Variants in FAIM2 observed in about 807,000 individuals in gnomAD.
The protein encoded by FAIM2 is Fas apoptotic inhibitory molecule 2.
Under a neutral mutation model 47.4 loss-of-function variants are expected in FAIM2, and 27 were observed. The observed-to-expected ratio is 0.57, with a 90% CI of 0.42 to 0.78. The LOEUF (loss-of-function observed/expected upper bound fraction) is 0.78, where lower values mean the gene tolerates loss of function less well. Ranked by LOEUF, FAIM2 falls within the 30% of genes least tolerant of loss-of-function variation. FAIM2 has a pLI of 0.00. For missense variants in FAIM2, 311 were observed against 389.4 expected, an observed-to-expected ratio of 0.80 and a Z score of 1.69; for synonymous variants, 156 against 159.3, an observed-to-expected ratio of 0.98 and a Z score of 0.16.
chr12:49,887,426 T>C lies in FAIM2; in HGVS notation c.761A>G (p.His254Arg). 6.2e-7 allele frequency: 1 copy of C among 1,611,602 alleles called. No homozygotes were observed. ...CGCTCCCAGTGCTGCATAAACTGCATGGAGCCAGGGCACCTGCGGCAGAGG... is the reference window on the plus strand; with the variant it reads ...CGCTCCCAGTGCTGCATAAACTGCACGGAGCCAGGGCACCTGCGGCAGAGG... ...LLPFQYVPWL[H>R]AVYAALGAGV... The change falls in exon 11 of 12, where the codon CAT (histidine) becomes CGT (arginine). Residue 254 changes from histidine to arginine, a missense_variant. Transcript: ENST00000320634.
At chr12:49,895,868 A>G (rs557491298) in intron 5 of FAIM2, among the ~76,000 whole-genome samples, 1 of 152,366 alleles carries the variant, frequency 6.6e-6, no homozygotes, top group African/African-American at 2.4e-5. Flanking sequence ...CCAGGCAGTC[A>G]GAACCTTGAC....
In FAIM2 at chr12:49,901,129, C is replaced by G; in HGVS notation, c.211+1G>C. The G allele has an allele frequency of 6.3e-7, 1 of 1,579,764 alleles. No individual in the cohort carries two copies. The highest frequency in any genetic ancestry group is 8.6e-7 in the Non-Finnish European group (1 of 1,167,898). On this transcript the variant is annotated splice_donor_variant, in intron 2 of 11. Coordinates refer to ENST00000320634, the MANE Select transcript of FAIM2 (RefSeq NM_012306.4). LOFTEE classifies it high-confidence loss of function. ...CAGGTTCCAGGAGCTGAAAGACTTA[C>G]TGGGGTCCACATAGGCCCAGCTAGG... is the stretch of plus-strand genomic sequence containing the variant.
At chr12:49,871,669 CTTT>C (rs3049277) in intron 11 of FAIM2, among the ~76,000 whole-genome samples, 5 of 141,508 alleles carry the variant, frequency 3.5e-5, no homozygotes, top group Non-Finnish European at 4.6e-5. Context: ...CTTTTCTTTT[CTTT>C]TTTTTTTTTT....
rs1441374320 is a variant in FAIM2 at position 49,867,355 on chromosome 12, T to A, written c.*3149A>T. 4 of 152,322 alleles carry A rather than the reference T, an allele frequency of 2.6e-5. No homozygotes were observed. Among genetic ancestry groups the A allele is most frequent in the African/African-American group, 9.6e-5 (4 of 41,458 alleles). The allele number at this position is 152,322 out of a possible 1,614,324, so 9.4% of individuals were successfully genotyped here. ...CGCCCAGGAGAGCAGCCAGGACACC[T>A]GGGACTTGGCTTCAGGTGGGCCAGG... is the stretch of plus-strand genomic sequence containing the variant. On this transcript the variant is annotated 3_prime_UTR_variant, in exon 12 of 12. Transcript: ENST00000320634.
At chr12:49,889,996 C>T (rs779553802) in intron 8 of FAIM2, 121 bp downstream of exon 8, 20 of 979,778 alleles carry the variant, frequency 2.0e-5, no homozygotes, top group Non-Finnish European at 3.0e-5. Context: ...TCCTGCATGC[C>T]TGAGCCCCCG....
intron 5 of FAIM2, among the ~76,000 whole-genome samples, chr12:49,896,439 T>C (rs972498207): frequency 3.3e-5 from 5 of 152,170 alleles, no homozygotes; most frequent in African/African-American, 1.2e-4. Context: ...GCACAAGCCT[T>C]AACCTGAATT....
chr12:49,901,158 G>C lies in FAIM2; in HGVS notation c.183C>G (p.Leu61=), dbSNP rs1268973172. The C allele has an allele frequency of 3.1e-6, 5 of 1,605,646 alleles. No homozygotes were observed. The Admixed American group carries it at 8.5e-5, about 27-fold the overall frequency. ...AFPPAPTAVP[L]HPSWAYVDPS... is the part of the protein sequence containing the mutation. ...GGTCCACATAGGCCCAGCTAGGGTGGAGAGGCACCGCTGTGGGGGCTGGGG... is the reference window on the plus strand; with the variant it reads ...GGTCCACATAGGCCCAGCTAGGGTGCAGAGGCACCGCTGTGGGGGCTGGGG... The change falls in exon 2 of 12, where the codon CTC becomes CTG. Residue 61 remains leucine (L), a synonymous_variant. Coordinates refer to ENST00000320634, the MANE Select transcript of FAIM2 (RefSeq NM_012306.4).
intron 5 of FAIM2, 24 bp downstream of exon 5, chr12:49,897,007 G>T: frequency 6.3e-7 from 1 of 1,597,652 alleles, no homozygotes; most frequent in Non-Finnish European, 8.6e-7. Context: ...TCTGGAAGGG[G>T]ACTGGGGACT....
chr12:49,869,332 G>A lies in FAIM2; in HGVS notation c.*1172C>T, dbSNP rs1946685622. On this transcript the variant is annotated 3_prime_UTR_variant, in exon 12 of 12. Coordinates refer to ENST00000320634, the MANE Select transcript of FAIM2 (RefSeq NM_012306.4). ...TGGATGGCTTCCAAATTGGAGAGAT[G>A]CAGAGATAAGTGGGGGAGCACTTAG... is the stretch of plus-strand genomic sequence containing the variant. 6.5e-6 allele frequency: 1 copy of A among 153,308 alleles called. No homozygotes were observed. The highest frequency in any genetic ancestry group is 6.5e-5 in the Admixed American group (1 of 15,290). 9.5% of individuals were successfully genotyped at this position (153,308 alleles called of 1,614,324 possible).
Position 49,869,702 on chromosome 12 carries a change from A to G in FAIM2, c.*802T>C, listed in dbSNP as rs1946688314. ...AGAGGATGTGGGTCTCGGTCCTGCA[A>G]CCCCAAATGCCTCCCAGGTGGACGC... On this transcript the variant is annotated 3_prime_UTR_variant, in exon 12 of 12. Transcript: ENST00000320634. 6.6e-6 allele frequency: 1 copy of G among 151,338 alleles called. No homozygotes were observed. The highest frequency in any genetic ancestry group is 2.4e-5 in the African/African-American group (1 of 41,102). 9.4% of individuals were successfully genotyped at this position (151,338 alleles called of 1,614,324 possible).
chr12:49,893,816 T>G (rs1184234159), intron 5 of FAIM2, among the ~76,000 whole-genome samples: 1 of 152,170 alleles, frequency 6.6e-6, no homozygotes, highest in African/African-American at 2.4e-5. Context: ...TAGGAAACAC[T>G]CGGAACCTGC....
At position 49,897,028 on chromosome 12, in the gene FAIM2, C is replaced by T. The variant is rs778806397; in HGVS notation, c.434+3G>A. ...AGGGGACTGGGGACTGAGATATACT[C>T]ACTAGGATGCCCAGTACCAGCCTGG... On this transcript the variant is annotated splice_donor_region_variant and intron_variant, in intron 5 of 11. Transcript: ENST00000320634. The T allele has an allele frequency of 6.2e-7, 1 of 1,611,518 alleles. No individual in the cohort carries two copies.
At chr12:49,876,755 G>A (rs1411581919) in intron 11 of FAIM2, among the ~76,000 whole-genome samples, 1 of 152,076 alleles carries the variant, frequency 6.6e-6, no homozygotes, top group East Asian at 1.9e-4. Context: ...CTGGGTGACA[G>A]AGCGAGACTC....
chr12:49,887,253 G>T, intron 11 of FAIM2, 133 bp downstream of exon 11: 2 of 768,196 alleles, frequency 2.6e-6, no homozygotes, highest in Non-Finnish European at 4.4e-6. Flanking sequence ...ACGCAGCACC[G>T]AGCCTAGCCC....
intron 11 of FAIM2, 80 bp downstream of exon 11, chr12:49,887,306 G>T: frequency 7.7e-7 from 1 of 1,304,578 alleles, no homozygotes. Context: ...AGGGCTGTGA[G>T]GAAGATGGGA....
intron 11 of FAIM2, among the ~76,000 whole-genome samples, chr12:49,880,113 TATGTGTGTGCATGTGA>T (rs1339262892): frequency 6.6e-6 from 1 of 152,034 alleles, no homozygotes; most frequent in Non-Finnish European, 1.5e-5. Context: ...TGCGTCTGTG[TATGTGTGTGCATGTGA>T]ATGTGTGTAT....
intron 11 of FAIM2, among the ~76,000 whole-genome samples, chr12:49,875,425 G>C (rs993945030): frequency 8.5e-5 from 13 of 152,180 alleles, no homozygotes; most frequent in African/African-American, 3.1e-4. Context: ...CTGCAGGAGA[G>C]GGTGAGGGGG....
At chr12:49,890,625 TC>T in intron 7 of FAIM2, 57 bp downstream of exon 7, 1 of 1,528,418 alleles carries the variant, frequency 6.5e-7, no homozygotes, top group South Asian at 1.1e-5. Flanking sequence ...CCACCCTGCT[TC>T]CCTTCTTCCT....
At chr12:49,896,470 T>C (rs1179064373) in intron 5 of FAIM2, among the ~76,000 whole-genome samples, 2 of 152,332 alleles carry the variant, frequency 1.3e-5, no homozygotes, top group African/African-American at 4.8e-5. Flanking sequence ...ATCCCAGTTC[T>C]ACCGCTGACT....
Sources: allele counts gnomAD v4.1 joint callset (sites outside exome capture counted in the v4.1 genomes callset), GRCh38; gene constraint gnomAD v4.1.1; transcripts MANE v1.5; gene names NCBI Gene and HGNC (gene_info 2026-07-23, HGNC 2026-07-21).